The following SWT1 variants were observed in gnomAD, a reference collection of about 807,000 sequenced individuals.
SWT1 encodes the protein SWT1 RNA endoribonuclease homolog.
In SWT1, 33 loss-of-function variants were observed where a neutral mutation model predicts 107.3. The observed-to-expected ratio is 0.31, with a 90% CI of 0.23 to 0.41. The LOEUF (loss-of-function observed/expected upper bound fraction) is 0.41. Ranked by LOEUF, SWT1 falls within the 10% of genes least tolerant of loss-of-function variation. The pLI, the probability that SWT1 is intolerant of heterozygous loss-of-function variation, is 1.00. For synonymous variants in SWT1, 345 were observed against 348.3 expected (o/e 0.99, Z 0.11); for missense variants, 898 against 1,028.9 (o/e 0.87, Z 1.74).
chr1:185,173,875 T>C (rs1655312464), intron 4 of SWT1, among the ~76,000 whole-genome samples: 1 of 152,054 alleles, frequency 6.6e-6, no homozygotes, highest in Non-Finnish European at 1.5e-5. Context: ...AAAAATTAGC[T>C]AGGCATTGTG....
At chr1:185,210,051 C>T (rs10033300) in intron 13 of SWT1, among the ~76,000 whole-genome samples, 8 of 152,114 alleles carry the variant, frequency 5.3e-5, no homozygotes, top group South Asian at 4.1e-4. Flanking sequence ...TCATATCCCT[C>T]GCCCACTTTT....
chr1:185,253,718 T>C (rs1448715040), intron 16 of SWT1, among the ~76,000 whole-genome samples: 1 of 151,908 alleles, frequency 6.6e-6, no homozygotes, highest in Non-Finnish European at 1.5e-5. Flanking sequence ...AATCATGTCA[T>C]CTGCAAACAG....
In SWT1 at chr1:185,276,253, A is replaced by G. The variant is rs6685292; in HGVS notation, c.2509-351A>G. Among the ~76,000 whole-genome samples, 998 of 152,248 alleles carry G rather than the reference A, an allele frequency of 6.6e-3. 10 individuals carry two copies. Among genetic ancestry groups the G allele is most frequent in the African/African-American group, 0.023 (936 of 41,550 alleles). On this transcript the variant is annotated intron_variant, in intron 17 of 18. Coordinates refer to ENST00000367500, the MANE Select transcript of SWT1 (RefSeq NM_017673.7). The stretch of plus-strand genomic sequence containing the variant: ...TAGACCTCAATAATCTGAAAAATAT[A>G]TTTCTTCAGAAAATGTCTGTAAATC...
chr1:185,204,154 G>A (rs922109198), intron 11 of SWT1, among the ~76,000 whole-genome samples: 13 of 151,984 alleles, frequency 8.6e-5, no homozygotes, highest in Middle Eastern at 3.4e-3. Context: ...AAAATATTCC[G>A]TTTTTGCCAG....
Position 185,174,490 on chromosome 1 carries a change from CCTT to C in SWT1, c.348_350del (p.Ser117del), listed in dbSNP as rs1558012253. On this transcript the variant is annotated inframe_deletion, in exon 5 of 19. Transcript: ENST00000367500. ...TGATAATCAAATTATTTTGCAGAGT[CCTT>C]CTTCAAATGGAACTAAAAAAGACAT... 1.2e-6 allele frequency: 2 copies of C among 1,611,278 alleles called. No individual in the cohort carries two copies. The highest frequency in any genetic ancestry group is 2.2e-5 in the East Asian group (1 of 44,828).
At chr1:185,235,141 A>G (rs2102585305) in intron 16 of SWT1, among the ~76,000 whole-genome samples, 1 of 152,336 alleles carries the variant, frequency 6.6e-6, no homozygotes, top group East Asian at 1.9e-4. Context: ...AGGTACAAAG[A>G]GGAGCTGGTA....
chr1:185,282,373 G>T (rs1664685035), intron 18 of SWT1, among the ~76,000 whole-genome samples: 1 of 148,216 alleles, frequency 6.7e-6, no homozygotes, highest in Admixed American at 6.7e-5. Context: ...TAAATGGTTT[G>T]GTTAAAAAAA....
intron 16 of SWT1, among the ~76,000 whole-genome samples, chr1:185,235,146 C>T (rs1364144853): frequency 7.9e-5 from 12 of 152,170 alleles, no homozygotes; most frequent in Admixed American, 7.9e-4. Context: ...CAAAGAGGAG[C>T]TGGTATCATT....
At chr1:185,207,644 G>A (rs568753384) in intron 13 of SWT1, among the ~76,000 whole-genome samples, 23 of 152,314 alleles carry the variant, frequency 1.5e-4, no homozygotes, top group African/African-American at 5.3e-4. Flanking sequence ...GCTCATGCCT[G>A]TAATCTCAGC....
chr1:185,287,740 C>T (rs1665029053), intron 18 of SWT1, among the ~76,000 whole-genome samples: 2 of 152,320 alleles, frequency 1.3e-5, no homozygotes, highest in East Asian at 3.9e-4. Flanking sequence ...GAATGCCTAT[C>T]ACCATGATCT....
chr1:185,185,248 T>G (rs1490359047), intron 9 of SWT1, among the ~76,000 whole-genome samples: 1 of 152,212 alleles, frequency 6.6e-6, no homozygotes, highest in African/African-American at 2.4e-5. Context: ...CTGTAAGTGA[T>G]CTAGGTTTCT....
At chr1:185,284,523 T>C (rs1229485500) in intron 18 of SWT1, among the ~76,000 whole-genome samples, 3 of 152,218 alleles carry the variant, frequency 2.0e-5, no homozygotes, top group Non-Finnish European at 1.5e-5. Context: ...TGAAGACAGC[T>C]GCCCCTGGTG....
At chr1:185,262,122 A>C (rs578051178) in intron 16 of SWT1, among the ~76,000 whole-genome samples, 57 of 152,306 alleles carry the variant, frequency 3.7e-4, no homozygotes, top group African/African-American at 1.4e-3. Context: ...CCTGATAGTG[A>C]GGTAAGATTA....
intron 11 of SWT1, among the ~76,000 whole-genome samples, chr1:185,203,796 T>A (rs1387454549): frequency 6.6e-6 from 1 of 152,202 alleles, no homozygotes; most frequent in African/African-American, 2.4e-5. Context: ...CTAATATATG[T>A]GCATTTTATA....
chr1:185,227,210 C>A, intron 15 of SWT1: 1 of 834,938 alleles, frequency 1.2e-6, no homozygotes, highest in Non-Finnish European at 2.1e-6. Context: ...CAGCTCCCTT[C>A]AGGGTGCTAA....
At position 185,182,858 on chromosome 1, in the gene SWT1, G is replaced by A. The variant is rs556173588; in HGVS notation, c.1138+801G>A. On this transcript the variant is annotated intron_variant, in intron 7 of 18. Coordinates refer to ENST00000367500, the MANE Select transcript of SWT1 (RefSeq NM_017673.7). ...ATTTTTAAAAATGGCAATGCTGACC[G>A]GGCACGGTGGCTCACGCCTGTAATC... Among the ~76,000 whole-genome samples the A allele has an allele frequency of 3.9e-5, 6 of 151,988 alleles. No homozygotes were observed. The South Asian group carries it at 1.2e-3, about 32-fold the overall frequency.
intron 13 of SWT1, among the ~76,000 whole-genome samples, chr1:185,209,312 G>A (rs1255488884): frequency 6.6e-6 from 1 of 151,916 alleles, no homozygotes; most frequent in East Asian, 1.9e-4. Flanking sequence ...ACGTTCCATG[G>A]GGGTTTGCTG....
chr1:185,220,138 CAAAAAAAAAAAAAAA>C (rs34674504), intron 14 of SWT1, among the ~76,000 whole-genome samples: 1 of 45,636 alleles, frequency 2.2e-5, no homozygotes, highest in Admixed American at 3.2e-4. Flanking sequence ...GACCCTGTCT[CAAAAAAAAAAAAAAA>C]AAAAAAAAAA....
chr1:185,192,599 T>C (rs953651222), intron 10 of SWT1, among the ~76,000 whole-genome samples: 2 of 151,808 alleles, frequency 1.3e-5, no homozygotes, highest in African/African-American at 4.8e-5. Flanking sequence ...ATGGGTGCAC[T>C]GGTGTAGCTC....
Sources: gnomAD v4.1 joint callset for allele counts (sites outside exome capture counted in the v4.1 genomes callset) on GRCh38, gnomAD v4.1.1 for gene constraint, MANE v1.5 for transcripts, NCBI Gene and HGNC (gene_info 2026-07-23, HGNC 2026-07-21) for gene names.